LTBP2: variants seen among roughly 807,000 people sequenced by gnomAD.
LTBP2 encodes the protein latent transforming growth factor beta binding protein 2.
In LTBP2, 103 loss-of-function variants were observed where a neutral mutation model predicts 210.6. The observed-to-expected ratio is 0.49, with a 90% CI of 0.42 to 0.58. The LOEUF is 0.58. Among genes scored for constraint, LTBP2 ranks in the 20% least tolerant of loss-of-function variants. The pLI, the probability that LTBP2 is intolerant of heterozygous loss-of-function variation, is 0.00. For synonymous variants in LTBP2, 1,007 were observed against 1,015.0 expected (o/e 0.99, Z 0.15); for missense variants, 2,313 against 2,494.5 (o/e 0.93, Z 1.55).
At chr14:74,539,721 G>T (rs962267384) in intron 8 of LTBP2, among the ~76,000 whole-genome samples, 3 of 151,878 alleles carry the variant, frequency 2.0e-5, no homozygotes, top group African/African-American at 7.3e-5. Context: ...GAGAGGGAGA[G>T]GGAGAGGGAG....
At chr14:74,512,241 C>T (rs941038306) in intron 18 of LTBP2, among the ~76,000 whole-genome samples, 2 of 152,220 alleles carry the variant, frequency 1.3e-5, no homozygotes, top group Admixed American at 1.3e-4. Flanking sequence ...TGCAGGAGGA[C>T]ATTATGCCCC....
chr14:74,528,674 G>A lies in LTBP2; in HGVS notation c.2177C>T (p.Ala726Val). The A allele has an allele frequency of 6.2e-7, 1 of 1,612,696 alleles. No individual in the cohort carries two copies. The highest frequency in any genetic ancestry group is 8.5e-7 in the Non-Finnish European group (1 of 1,180,046). The change falls in exon 12 of 36, where the codon GCC becomes GTC. Residue 726 changes from alanine to valine, a missense_variant. By Grantham distance (64) the Ala-to-Val change is moderately conservative (BLOSUM62 0). Transcript: ENST00000261978. ...GTEAFREICP[A>V]GHGYTYASSD... ...GCTCGCGTAGGTGTAGCCGTGGCCG[G>A]CAGGGCAGATCTCTCTGAAGGCCTC...
chr14:74,511,567 A>C (rs957902182), intron 18 of LTBP2, among the ~76,000 whole-genome samples: 1 of 152,204 alleles, frequency 6.6e-6, no homozygotes, highest in African/African-American at 2.4e-5. Flanking sequence ...GGAAGAACTT[A>C]AAAATTAGAA....
intron 8 of LTBP2, among the ~76,000 whole-genome samples, chr14:74,540,606 AT>A (rs1387475537): frequency 3.3e-5 from 5 of 149,664 alleles, no homozygotes; most frequent in African/African-American, 1.2e-4. Context: ...TCTACTAAAA[AT>A]ACAAAAAATT....
At chr14:74,555,772 C>G (rs2087721122) in intron 3 of LTBP2, 79 bp from the exon 4 acceptor site, 1 of 1,129,998 alleles carries the variant, frequency 8.8e-7, no homozygotes, top group African/African-American at 1.6e-5. Flanking sequence ...GCCACCCACT[C>G]TCTGCCTTTG....
chr14:74,554,224 G>A (rs1303235674), intron 4 of LTBP2, among the ~76,000 whole-genome samples: 1 of 152,138 alleles, frequency 6.6e-6, no homozygotes, highest in African/African-American at 2.4e-5. Flanking sequence ...GCTAAGCCAG[G>A]CACAGGAACT....
intron 1 of LTBP2, among the ~76,000 whole-genome samples, chr14:74,605,032 C>G (rs8007855): frequency 2.6e-5 from 4 of 152,168 alleles, no homozygotes; most frequent in Admixed American, 6.5e-5. Flanking sequence ...CAGGCTGGGC[C>G]GGGCTCTGGC....
intron 34 of LTBP2, 140 bp downstream of exon 34, chr14:74,502,513 C>T (rs754125042): frequency 2.5e-5 from 29 of 1,165,078 alleles, no homozygotes; most frequent in African/African-American, 1.4e-4. Context: ...TCAAGCGAGC[C>T]GTGAACGGGG....
chr14:74,512,761 G>T (rs376395288), intron 18 of LTBP2, among the ~76,000 whole-genome samples: 1 of 152,248 alleles, frequency 6.6e-6, no homozygotes, highest in Non-Finnish European at 1.5e-5. Flanking sequence ...GAGATAAGGC[G>T]CATCTCTGGC....
chr14:74,514,716 G>A (rs1364630933), intron 18 of LTBP2, among the ~76,000 whole-genome samples: 1 of 152,166 alleles, frequency 6.6e-6, no homozygotes, highest in Non-Finnish European at 1.5e-5. Flanking sequence ...TGAGACTGCT[G>A]GACGGGCCTC....
chr14:74,510,151 A>G lies in LTBP2; in HGVS notation c.3091T>C (p.Ser1031Pro). The G allele has an allele frequency of 6.2e-7, 1 of 1,614,084 alleles. No homozygotes were observed. Among genetic ancestry groups the G allele is most frequent in the East Asian group, 2.2e-5 (1 of 44,866 alleles). The change falls in exon 20 of 36, where the codon TCC (serine) becomes CCC (proline). Residue 1031 changes from serine to proline, a missense_variant. Around this residue, in one of 3 missense-constraint regions of LTBP2, gnomAD observed 1,867 missense variants for 1,976.9 expected, o/e 0.94. Transcript: ENST00000261978. ...CCCTGCTCACAAGAGCATCTGAAGG[A>G]GCCTTCTAGGTTGGTGCACTTTCCA... ...AHGKCTNLEG[S>P]FRCSCEQGYE...
intron 3 of LTBP2, among the ~76,000 whole-genome samples, chr14:74,582,024 T>G (rs932070842): frequency 6.6e-6 from 1 of 150,736 alleles, no homozygotes; most frequent in Non-Finnish European, 1.5e-5. Context: ...TTGTTGTTTT[T>G]TTTTTTTTTT....
chr14:74,606,725 G>T (rs1035969531), intron 1 of LTBP2, among the ~76,000 whole-genome samples: 1 of 152,126 alleles, frequency 6.6e-6, no homozygotes, highest in Admixed American at 6.5e-5. Context: ...TGTAGTCCCA[G>T]CTACTCACTC....
At chr14:74,538,079 T>C (rs778024173) in intron 8 of LTBP2, among the ~76,000 whole-genome samples, 2 of 152,170 alleles carry the variant, frequency 1.3e-5, no homozygotes, top group Non-Finnish European at 2.9e-5. Context: ...ATTGTTGAAA[T>C]GAATTCTTGC....
intron 2 of LTBP2, among the ~76,000 whole-genome samples, chr14:74,589,174 A>G (rs762402866): frequency 1.0e-3 from 153 of 152,322 alleles, no homozygotes; most frequent in African/African-American, 1.1e-3. Flanking sequence ...GGCTTATCCA[A>G]TGAGCATTCG....
intron 1 of LTBP2, among the ~76,000 whole-genome samples, chr14:74,610,038 A>G (rs932148351): frequency 6.6e-6 from 1 of 152,210 alleles, no homozygotes; most frequent in Non-Finnish European, 1.5e-5. Flanking sequence ...TGGGCCTTCC[A>G]TGGGCAGCAG....
intron 21 of LTBP2, 125 bp downstream of exon 21, chr14:74,509,609 G>C: frequency 7.2e-7 from 1 of 1,395,384 alleles, no homozygotes; most frequent in African/African-American, 1.4e-5. Flanking sequence ...GTCCATTTAT[G>C]GGGTCTTCTA....
At chr14:74,548,715 G>T (rs1406114790) in intron 8 of LTBP2, among the ~76,000 whole-genome samples, 1 of 152,154 alleles carries the variant, frequency 6.6e-6, no homozygotes, top group African/African-American at 2.4e-5. Context: ...GATAATGATT[G>T]TAATAGCCAT....
chr14:74,608,319 T>A (rs959570876), intron 1 of LTBP2, among the ~76,000 whole-genome samples: 1 of 152,200 alleles, frequency 6.6e-6, no homozygotes, highest in Non-Finnish European at 1.5e-5. Flanking sequence ...CCTGTTATTT[T>A]AACAGAATAT....
Sources: gnomAD v4.1 joint callset for allele counts (sites outside exome capture counted in the v4.1 genomes callset) on GRCh38, gnomAD v4.1.1 for gene constraint, gnomAD v4.1.1 regional missense constraint, MANE v1.5 for transcripts, NCBI Gene and HGNC (gene_info 2026-07-23, HGNC 2026-07-21) for gene names.